PTGER2: variants seen among roughly 807,000 people sequenced by gnomAD.
PTGER2 encodes prostaglandin E2 receptor EP2 subtype.
In PTGER2, 22 loss-of-function variants were observed where a neutral mutation model predicts 26.2. The observed-to-expected ratio is 0.84, with a 90% confidence interval of 0.60 to 1.20. PTGER2 has a LOEUF of 1.20. Among genes scored for constraint, PTGER2 ranks in the 50% most tolerant of loss-of-function variants. The pLI is 0.00. For synonymous variants in PTGER2, 219 were observed against 208.9 expected (o/e 1.05, Z -0.42); for missense variants, 458 against 475.2 (o/e 0.96, Z 0.34).
At position 52,323,284 on chromosome 14, in the gene PTGER2, C is replaced by T. The variant is rs536995512; in HGVS notation, c.844-3937C>T. On this transcript the variant is annotated intron_variant, in intron 1 of 1. Transcript: ENST00000245457. ...ATGTATTTATTTTGAGACAGAGACTCACTCTGTCACCCAGGCTGAAATGCA... is the reference window on the plus strand; with the variant it reads ...ATGTATTTATTTTGAGACAGAGACTTACTCTGTCACCCAGGCTGAAATGCA... Among the ~76,000 whole-genome samples the T allele has an allele frequency of 1.6e-4, 9 of 57,604 alleles. No homozygotes were observed. The South Asian group carries it at 2.8e-3, about 18-fold the overall frequency. The allele number at this position is 57,604 out of a possible 152,430, so 37.8% of individuals were successfully genotyped here. A position where few individuals can be genotyped will look rare whatever the true frequency, so the allele number is the denominator to read the frequency against.
chr14:52,319,548 T>A (rs2033874579), intron 1 of PTGER2, among the ~76,000 whole-genome samples: 1 of 152,208 alleles, frequency 6.6e-6, no homozygotes, highest in South Asian at 2.1e-4. Context: ...AATTAATAAA[T>A]TCCTCCTTAT....
chr14:52,316,952 C>T (rs763375407), intron 1 of PTGER2, among the ~76,000 whole-genome samples: 23 of 152,224 alleles, frequency 1.5e-4, no homozygotes, highest in Non-Finnish European at 2.8e-4. Flanking sequence ...TAGAAACCCA[C>T]ATGGCTTATA....
chr14:52,314,582 G>A lies in PTGER2; in HGVS notation c.34G>A (p.Asp12Asn), dbSNP rs775436583. 8 of 1,508,454 alleles carry A rather than the reference G, an allele frequency of 5.3e-6. No homozygotes were observed. Among genetic ancestry groups the A allele is most frequent in the Non-Finnish European group, 6.2e-6 (7 of 1,128,222 alleles). 93.4% of individuals were successfully genotyped at this position (1,508,454 alleles called of 1,614,324 possible). ...GNASNDSQSEDCETRQWLPPG... is the reference protein window; with the variant it reads ...GNASNDSQSENCETRQWLPPG... ...TGCCTCCAATGACTCCCAGTCTGAG[G>A]ACTGCGAGACGCGACAGTGGCTTCC... The change falls in exon 1 of 2, where the codon GAC (aspartate) becomes AAC (asparagine). Residue 12 changes from aspartate to asparagine, a missense_variant. Physicochemically the swap from Asp to Asn is conservative, Grantham distance 23 (BLOSUM62 1). Transcript: ENST00000245457. The surrounding 1 kb of genome is among the most constrained non-coding windows in gnomAD (Gnocchi z 5.7).
chr14:52,318,233 A>G (rs149776435), intron 1 of PTGER2, among the ~76,000 whole-genome samples: 38 of 152,334 alleles, frequency 2.5e-4, no homozygotes, highest in African/African-American at 8.7e-4. Context: ...AGGGGGCTCT[A>G]GAAGCAAAGG....
Position 52,314,877 on chromosome 14 carries a change from C to T in PTGER2, c.329C>T (p.Thr110Ile). The change falls in exon 1 of 2, where the codon ACC (threonine) becomes ATC (isoleucine). Residue 110 changes from threonine (T) to isoleucine (I), a missense_variant. By Grantham distance (89) the Thr-to-Ile change is moderately conservative (BLOSUM62 -1). Coordinates refer to ENST00000245457, the MANE Select transcript of PTGER2 (RefSeq NM_000956.4). The surrounding 1 kb of genome is among the most constrained non-coding windows in gnomAD (Gnocchi z 5.7). ...CTGGCGCCCGAGAGCCGCGCGTGCACCTACTTCGCTTTCGCCATGACCTTC... is the reference window on the plus strand; with the variant it reads ...CTGGCGCCCGAGAGCCGCGCGTGCATCTACTTCGCTTTCGCCATGACCTTC... ...VALAPESRAC[T>I]YFAFAMTFFS... 6.2e-7 allele frequency: 1 copy of T among 1,613,052 alleles called. No individual in the cohort carries two copies. Among genetic ancestry groups the T allele is most frequent in the African/African-American group, 1.3e-5 (1 of 75,050 alleles).
chr14:52,320,048 T>C (rs2033879732), intron 1 of PTGER2, among the ~76,000 whole-genome samples: 1 of 152,216 alleles, frequency 6.6e-6, no homozygotes, highest in Admixed American at 6.5e-5. Context: ...ATAACAATTC[T>C]GGTAGGAATG....
chr14:52,321,612 T>A (rs1434414222), intron 1 of PTGER2, among the ~76,000 whole-genome samples: 1 of 152,218 alleles, frequency 6.6e-6, no homozygotes, highest in Non-Finnish European at 1.5e-5. Flanking sequence ...CCAAGTTTGG[T>A]GTCCCATGGA....
At chr14:52,321,027 C>T (rs577974803) in intron 1 of PTGER2, among the ~76,000 whole-genome samples, 1 of 152,278 alleles carries the variant, frequency 6.6e-6, no homozygotes, top group African/African-American at 2.4e-5. Flanking sequence ...GAGTTAAGAG[C>T]CACCATCTTG....
chr14:52,323,534 G>A (rs187496137), intron 1 of PTGER2, among the ~76,000 whole-genome samples: 426 of 152,292 alleles, frequency 2.8e-3, no homozygotes, highest in Admixed American at 5.6e-3. Context: ...GATTACAGGC[G>A]TGAGCCACCG....
intron 1 of PTGER2, among the ~76,000 whole-genome samples, chr14:52,327,001 A>T (rs1185987393): frequency 6.6e-6 from 1 of 152,214 alleles, no homozygotes; most frequent in Non-Finnish European, 1.5e-5. Flanking sequence ...TTCCACAGAA[A>T]ACATGCTTTC....
chr14:52,327,426 C>G lies in PTGER2; in HGVS notation c.1049C>G (p.Ser350Ter). 1 of 1,611,482 alleles carries G rather than the reference C, an allele frequency of 6.2e-7. No homozygotes were observed. The highest frequency in any genetic ancestry group is 8.5e-7 in the Non-Finnish European group (1 of 1,177,790). Reference protein sequence around the residue: ...DATQTSCSTQSDASKQADL With the variant: ...DATQTSCSTQ ...ACACAAACTTCCTGTTCTACACAGT[C>G]AGATGCCAGTAAACAGGCTGACCTT... Residue 350 changes from serine (S) to a stop codon, truncating the protein, a stop_gained, in exon 2 of 2, where the codon TCA becomes TGA. Transcript: ENST00000245457. LOFTEE classifies it high-confidence loss of function.
At position 52,315,364 on chromosome 14, in the gene PTGER2, C is replaced by G; in HGVS notation, c.816C>G (p.Thr272=). The change falls in exon 1 of 2, where the codon ACC becomes ACG. Residue 272 remains threonine (T), a synonymous_variant. Coordinates refer to ENST00000245457, the MANE Select transcript of PTGER2 (RefSeq NM_000956.4). Reference sequence around the variant, plus strand: ...TTCTCCTGGCTATCATGACCATCACCTTCGCCGTCTGCTCCTTGCCTTTCA... The same window carrying G: ...TTCTCCTGGCTATCATGACCATCACGTTCGCCGTCTGCTCCTTGCCTTTCA... ...HLILLAIMTI[T]FAVCSLPFTI... 9.9e-6 allele frequency: 16 copies of G among 1,613,466 alleles called. No individual in the cohort carries two copies. The highest frequency in any genetic ancestry group is 1.4e-5 in the Non-Finnish European group (16 of 1,180,014).
intron 1 of PTGER2, among the ~76,000 whole-genome samples, chr14:52,319,260 A>C (rs1258010684): frequency 2.0e-5 from 3 of 152,232 alleles, no homozygotes; most frequent in Non-Finnish European, 2.9e-5. Context: ...GCCAGGGCCA[A>C]CTATGTGGTT....
chr14:52,322,892 C>T (rs1040247377), intron 1 of PTGER2, among the ~76,000 whole-genome samples: 1 of 152,096 alleles, frequency 6.6e-6, no homozygotes, highest in African/African-American at 2.4e-5. Flanking sequence ...TCCCTTGTTC[C>T]CTGAAAATCG....
intron 1 of PTGER2, among the ~76,000 whole-genome samples, chr14:52,322,512 C>T (rs905401727): frequency 1.7e-4 from 26 of 152,220 alleles, no homozygotes; most frequent in Admixed American, 6.5e-4. Context: ...CAGTGGTGCA[C>T]GTATTGTCTT....
At position 52,315,245 on chromosome 14, in the gene PTGER2, C is replaced by T; in HGVS notation, c.697C>T (p.Arg233Cys). Residue 233 changes from arginine (R) to cysteine (C), a missense_variant, in exon 1 of 2, where the codon CGC becomes TGC. Physicochemically the swap from Arg to Cys is radical, Grantham distance 180. Coordinates refer to ENST00000245457, the MANE Select transcript of PTGER2 (RefSeq NM_000956.4). ...CATGCACCGCCGAAGCCGGAGAAGC[C>T]GCTGCGGACCTTCCCTGGGCAGTGG... ...IRMHRRSRRSRCGPSLGSGRG... is the reference protein window; with the variant it reads ...IRMHRRSRRSCCGPSLGSGRG... The T allele has an allele frequency of 1.9e-6, 3 of 1,612,890 alleles. No individual in the cohort carries two copies. Among genetic ancestry groups the T allele is most frequent in the East Asian group, 2.2e-5 (1 of 44,848 alleles).
Position 52,314,731 on chromosome 14 carries a change from G to A in PTGER2, c.183G>A (p.Arg61=). ...RGDVGCSAGR[R]SSLSLFHVLV... Reference sequence around the variant, plus strand: ...ACGTGGGGTGCAGCGCCGGCCGCAGGAGCTCCCTCTCCTTGTTCCACGTGC... The same window carrying A: ...ACGTGGGGTGCAGCGCCGGCCGCAGAAGCTCCCTCTCCTTGTTCCACGTGC... The change falls in exon 1 of 2, where the codon AGG becomes AGA. Residue 61 remains arginine (R), a synonymous_variant. Coordinates refer to ENST00000245457, the MANE Select transcript of PTGER2 (RefSeq NM_000956.4). The surrounding 1 kb of genome is among the most constrained non-coding windows in gnomAD (Gnocchi z 5.7). 6.3e-7 allele frequency: 1 copy of A among 1,588,464 alleles called. No homozygotes were observed. The highest frequency in any genetic ancestry group is 8.6e-7 in the Non-Finnish European group (1 of 1,162,694).
Position 52,314,517 on chromosome 14 carries a change from G to A in PTGER2, c.-32G>A, listed in dbSNP as rs2033811692. 2.1e-6 allele frequency: 3 copies of A among 1,462,236 alleles called. No individual in the cohort carries two copies. The highest frequency in any genetic ancestry group is 5.2e-5 in the Admixed American group (2 of 38,450). The allele number at this position is 1,462,236 out of a possible 1,614,324, so 90.6% of individuals were successfully genotyped here. A position where few individuals can be genotyped will look rare whatever the true frequency, so the allele number is the denominator to read the frequency against. On this transcript the variant is annotated 5_prime_UTR_variant, in exon 1 of 2. Coordinates refer to ENST00000245457, the MANE Select transcript of PTGER2 (RefSeq NM_000956.4). This position sits in a 1 kb window ranked among gnomAD's most constrained non-coding sequence, Gnocchi z 5.7. ...TTCCTCCCAGGTAAAGGCCGGGAGAGGAGGGCGCATCTCTTTTCCAGGCAC... is the reference window on the plus strand; with the variant it reads ...TTCCTCCCAGGTAAAGGCCGGGAGAAGAGGGCGCATCTCTTTTCCAGGCAC...
chr14:52,324,023 G>A (rs574338396), intron 1 of PTGER2, among the ~76,000 whole-genome samples: 26 of 152,326 alleles, frequency 1.7e-4, no homozygotes, highest in African/African-American at 3.8e-4. Flanking sequence ...AGGACTGGCC[G>A]GAGGGAGAGG....
Sources: allele counts gnomAD v4.1 joint callset (sites outside exome capture counted in the v4.1 genomes callset), GRCh38; gene constraint gnomAD v4.1.1; non-coding constraint Gnocchi (gnomAD v3.1); transcripts MANE v1.5; gene names NCBI Gene and HGNC (gene_info 2026-07-23, HGNC 2026-07-21).